The following CAST variants were observed in gnomAD, a reference collection of about 807,000 sequenced individuals.
CAST encodes the protein MIR583 host.
Under a neutral mutation model 119.6 loss-of-function variants are expected in CAST, and 76 were observed. The observed-to-expected ratio is 0.64, with a 90% CI of 0.53 to 0.77. CAST has a LOEUF of 0.77. CAST is among the 30% of genes least tolerant of loss of function. CAST has a pLI of 0.00. For missense variants in CAST, 953 were observed against 946.5 expected (o/e 1.01, Z -0.09); for synonymous variants, 319 against 331.6 (o/e 0.96, Z 0.41).
intron 3 of CAST, among the ~76,000 whole-genome samples, chr5:96,719,649 G>T (rs1180574476): frequency 1.3e-5 from 2 of 152,160 alleles, no homozygotes; most frequent in East Asian, 3.9e-4. Context: ...TTTGATAGCA[G>T]CACTTTATAC....
intron 1 of CAST, among the ~76,000 whole-genome samples, chr5:96,605,242 C>T (rs1014178097): frequency 6.6e-5 from 10 of 152,204 alleles, no homozygotes; most frequent in Non-Finnish European, 1.5e-4. Context: ...CCTTCCCCCT[C>T]CCCATCACTT....
chr5:96,289,070 A>G, the CAST span, among the ~76,000 whole-genome samples: 16 of 150,980 alleles, frequency 1.1e-4, no homozygotes, highest in African/African-American at 3.9e-4. Flanking sequence ...CTGCTTTCCC[A>G]CAATGCTCAG....
chr5:96,398,864 A>C, the CAST span: 1 of 1,606,476 alleles, frequency 6.2e-7, no homozygotes, highest in African/African-American at 1.3e-5. Flanking sequence ...ATGGCTTAGA[A>C]CTTTTTTAAT....
the CAST span, among the ~76,000 whole-genome samples, chr5:96,086,100 T>A: frequency 0.63 from 95,215 of 151,622 alleles, 29,908 homozygotes; most frequent in Middle Eastern, 0.68. Context: ...TTAAATAATC[T>A]GTAGATTGCT....
the CAST span, among the ~76,000 whole-genome samples, chr5:96,065,354 C>A: frequency 3.7e-4 from 56 of 151,268 alleles, no homozygotes; most frequent in East Asian, 0.01. Context: ...CTCAAGAGAG[C>A]CTTTTGGGGT....
In CAST at chr5:96,662,732, G is replaced by A. The variant is rs375355895; in HGVS notation, c.75+235G>A. On this transcript the variant is annotated intron_variant, in intron 1 of 31. Transcript: ENST00000675179. ...TGGCGTTGGCCGGGTAGAGTGGAGG[G>A]GGGGACGCGTCAAGAAAAGTTGGCT... Among the ~76,000 whole-genome samples, 5 of 152,302 alleles carry A rather than the reference G, an allele frequency of 3.3e-5. No homozygotes were observed. The East Asian group carries it at 7.7e-4, about 24-fold the overall frequency.
chr5:95,973,859 A>G, the CAST span, among the ~76,000 whole-genome samples: 2 of 152,104 alleles, frequency 1.3e-5, no homozygotes, highest in Non-Finnish European at 2.9e-5. Context: ...TTTATCTTCA[A>G]TGTTCATTCA....
At chr5:96,506,852 G>A in the CAST span, among the ~76,000 whole-genome samples, 9 of 152,144 alleles carry the variant, frequency 5.9e-5, no homozygotes, top group Non-Finnish European at 1.5e-5. Context: ...GCAATGCATG[G>A]GCCCATACAC....
intron 3 of CAST, among the ~76,000 whole-genome samples, chr5:96,708,648 G>C (rs1358032198): frequency 6.6e-6 from 1 of 152,048 alleles, no homozygotes; most frequent in Non-Finnish European, 1.5e-5. Context: ...GAGCCACCAT[G>C]CCTGGCTCAT....
intron 2 of CAST, among the ~76,000 whole-genome samples, chr5:96,690,915 AC>A: frequency 6.6e-6 from 1 of 152,364 alleles, no homozygotes; most frequent in East Asian, 1.9e-4. Flanking sequence ...GTCAAAACTT[AC>A]ATATTTTAAT....
At chr5:96,147,950 G>T in the CAST span, among the ~76,000 whole-genome samples, 6 of 152,174 alleles carry the variant, frequency 3.9e-5, no homozygotes, top group Admixed American at 2.0e-4. Flanking sequence ...AGAAAATGTG[G>T]TACAGAATAT....
the CAST span, among the ~76,000 whole-genome samples, chr5:96,416,834 T>C: frequency 9.2e-5 from 14 of 152,220 alleles, no homozygotes; most frequent in African/African-American, 3.1e-4. Context: ...TTTCAGAGTA[T>C]TTGGAAGAAA....
chr5:96,022,389 A>G, the CAST span, among the ~76,000 whole-genome samples: 1 of 152,230 alleles, frequency 6.6e-6, no homozygotes, highest in Non-Finnish European at 1.5e-5. Context: ...TAGAGTGCAA[A>G]TACCGTACAA....
At chr5:96,099,287 C>T in the CAST span, among the ~76,000 whole-genome samples, 2 of 152,128 alleles carry the variant, frequency 1.3e-5, no homozygotes, top group Non-Finnish European at 2.9e-5. Flanking sequence ...AGTTTGACTT[C>T]CTCTCTTCCT....
chr5:95,972,323 A>C, the CAST span, among the ~76,000 whole-genome samples: 1 of 151,970 alleles, frequency 6.6e-6, no homozygotes, highest in Non-Finnish European at 1.5e-5. Flanking sequence ...CTGCCCAACT[A>C]TTGCTCATAG....
At chr5:96,656,935 T>C (rs1214605623) in intron 1 of CAST, among the ~76,000 whole-genome samples, 3 of 125,932 alleles carry the variant, frequency 2.4e-5, no homozygotes, top group African/African-American at 4.8e-5. Context: ...AGAGACACTT[T>C]TTCTTAATTA....
intron 1 of CAST, among the ~76,000 whole-genome samples, chr5:96,621,614 G>A (rs949413661): frequency 1.3e-5 from 2 of 152,164 alleles, no homozygotes; most frequent in Non-Finnish European, 2.9e-5. Context: ...CAGCATGAAG[G>A]AAACTGCTCC....
the CAST span, among the ~76,000 whole-genome samples, chr5:96,255,468 G>C: frequency 6.6e-6 from 1 of 152,092 alleles, no homozygotes; most frequent in South Asian, 2.1e-4. Context: ...CAGCAATGAC[G>C]ATGAATTTTA....
chr5:96,329,297 T>A, the CAST span, among the ~76,000 whole-genome samples: 1 of 152,238 alleles, frequency 6.6e-6, no homozygotes, highest in Non-Finnish European at 1.5e-5. Flanking sequence ...AATTTTAAAA[T>A]GTCAGCATAT....
Sources: gnomAD v4.1 joint callset for allele counts (sites outside exome capture counted in the v4.1 genomes callset) on GRCh38, gnomAD v4.1.1 for gene constraint, MANE v1.5 for transcripts, NCBI Gene and HGNC (gene_info 2026-07-23, HGNC 2026-07-21) for gene names.